Variants in GRAMD2B observed in about 807,000 individuals in gnomAD.
The protein encoded by GRAMD2B is GRAM domain containing 2B, also known as GRAM domain-containing protein 2B.
GRAMD2B carries 41 observed loss-of-function variants against 59.2 expected under a neutral mutation model. The ratio of observed to expected loss-of-function variants is 0.69; its 90% CI spans 0.54 to 0.90. GRAMD2B has a LOEUF of 0.90. Ranked by LOEUF, GRAMD2B falls within the 40% of genes least tolerant of loss-of-function variation. The probability of loss-of-function intolerance (pLI) is 0.00; values close to 1 mark genes in which losing one functional copy is unlikely to be tolerated. For synonymous variants in GRAMD2B, 161 were observed against 182.7 expected, an observed-to-expected ratio of 0.88 and a Z score of 0.96; for missense variants, 424 against 500.5, an observed-to-expected ratio of 0.85 and a Z score of 1.46.
intron 1 of GRAMD2B, among the ~76,000 whole-genome samples, chr5:126,427,912 G>A (rs1246724129): frequency 6.6e-6 from 1 of 152,126 alleles, no homozygotes; most frequent in Non-Finnish European, 1.5e-5. Flanking sequence ...GTATGTGTGT[G>A]CATATAATTT....
chr5:126,460,272 C>T (rs912264227), intron 1 of GRAMD2B, among the ~76,000 whole-genome samples: 18 of 152,218 alleles, frequency 1.2e-4, no homozygotes, highest in Admixed American at 8.5e-4. Context: ...TGGAGAGAAA[C>T]TGGGTCACCA....
intron 2 of GRAMD2B, among the ~76,000 whole-genome samples, chr5:126,468,418 C>G (rs1196389277): frequency 1.3e-5 from 2 of 152,174 alleles, no homozygotes; most frequent in Non-Finnish European, 2.9e-5. Context: ...TCTTGCTTAT[C>G]CTGTTAGGCC....
chr5:126,484,879 C>T (rs559221615), intron 10 of GRAMD2B, among the ~76,000 whole-genome samples: 6 of 152,138 alleles, frequency 3.9e-5, no homozygotes, highest in African/African-American at 4.8e-5. Context: ...CCACCATGCC[C>T]GGCCTATTTG....
At chr5:126,410,722 G>C (rs2075813161) in intron 1 of GRAMD2B, among the ~76,000 whole-genome samples, 1 of 151,916 alleles carries the variant, frequency 6.6e-6, no homozygotes, top group Non-Finnish European at 1.5e-5. Context: ...TATAACAACT[G>C]TTGTTTTTAT....
intron 1 of GRAMD2B, chr5:126,462,490 T>C: frequency 5.1e-6 from 5 of 975,710 alleles, no homozygotes; most frequent in Non-Finnish European, 6.1e-6. Context: ...GGAATTAACT[T>C]GCTTGAGCCT....
chr5:126,390,952 C>T (rs1339540518), intron 1 of GRAMD2B, among the ~76,000 whole-genome samples: 1 of 152,132 alleles, frequency 6.6e-6, no homozygotes, highest in African/African-American at 2.4e-5. Flanking sequence ...AAATTCCATA[C>T]TCTAGCCACT....
At chr5:126,478,844 G>A (rs918583558) in intron 6 of GRAMD2B, among the ~76,000 whole-genome samples, 2 of 152,146 alleles carry the variant, frequency 1.3e-5, no homozygotes, top group African/African-American at 4.8e-5. Context: ...CTGGTGTGGG[G>A]GTGGCCAGCC....
intron 1 of GRAMD2B, among the ~76,000 whole-genome samples, chr5:126,424,839 G>T (rs989954303): frequency 3.3e-5 from 5 of 152,206 alleles, no homozygotes; most frequent in Non-Finnish European, 5.9e-5. Flanking sequence ...CCATGTTGCA[G>T]ATAAAAGCAC....
intron 1 of GRAMD2B, among the ~76,000 whole-genome samples, chr5:126,387,379 T>C (rs1332255979): frequency 6.6e-6 from 1 of 151,906 alleles, no homozygotes; most frequent in Non-Finnish European, 1.5e-5. Context: ...GCTAAACAAA[T>C]GTTCTGTACT....
Position 126,485,758 on chromosome 5 carries a change from T to C in GRAMD2B, c.1043T>C (p.Ile348Thr), listed in dbSNP as rs2126947511. 2 of 1,602,022 alleles carry C rather than the reference T, an allele frequency of 1.2e-6. No individual in the cohort carries two copies. The highest frequency in any genetic ancestry group is 1.7e-6 in the Non-Finnish European group (2 of 1,170,896). Residue 348 changes from isoleucine to threonine, a missense_variant, in exon 11 of 14, where the codon ATA (isoleucine) becomes ACA (threonine). Physicochemically the swap from Ile to Thr is moderately conservative, Grantham distance 89. Coordinates refer to ENST00000285689, the MANE Select transcript of GRAMD2B (RefSeq NM_023927.4). ...QKCPMLHHILIFYAIVVCALI... is the reference protein window; with the variant it reads ...QKCPMLHHILTFYAIVVCALI... The stretch of plus-strand genomic sequence containing the variant: ...TGTCCGATGCTTCACCATATTCTTA[T>C]ATTCTATGCAATTGTGTAAGTACAT...
At chr5:126,463,203 C>T (rs1767682067) in intron 1 of GRAMD2B, among the ~76,000 whole-genome samples, 2 of 152,178 alleles carry the variant, frequency 1.3e-5, no homozygotes, top group African/African-American at 4.8e-5. Context: ...GCTCTCTGTA[C>T]ACAAAGATGC....
At position 126,410,342 on chromosome 5, in the gene GRAMD2B, C is replaced by G. The variant is rs62391846; in HGVS notation, c.125+38775C>G. On this transcript the variant is annotated intron_variant, in intron 1 of 8. Transcript: ENST00000506445. Reference sequence around the variant, plus strand: ...ATGAGCATGGAATGTTCTTCCATTTCTTTGTATCCTCTTTTATTTCATTGA... The same window carrying G: ...ATGAGCATGGAATGTTCTTCCATTTGTTTGTATCCTCTTTTATTTCATTGA... Among the ~76,000 whole-genome samples the G allele has an allele frequency of 1.5e-4, 22 of 151,330 alleles. No homozygotes were observed. In the South Asian group the frequency reaches 2.9e-3, roughly 20 times the overall value.
chr5:126,493,898 G>A lies in GRAMD2B; in HGVS notation c.*942G>A, dbSNP rs1438939763. 6.6e-6 allele frequency: 1 copy of A among 152,570 alleles called. No individual in the cohort carries two copies. The highest frequency in any genetic ancestry group is 1.9e-4 in the East Asian group (1 of 5,196). The allele number at this position is 152,570 out of a possible 1,614,324, so 9.5% of individuals were successfully genotyped here. A position where few individuals can be genotyped will look rare whatever the true frequency, so the allele number is the denominator to read the frequency against. On this transcript the variant is annotated 3_prime_UTR_variant, in exon 14 of 14. Coordinates refer to ENST00000285689, the MANE Select transcript of GRAMD2B (RefSeq NM_023927.4). ...TTTGCTGACTAAAATAAAATAACTG[G>A]TGGTTTGCTAACTATTTACCATATG... is the stretch of plus-strand genomic sequence containing the variant.
intron 4 of GRAMD2B, among the ~76,000 whole-genome samples, chr5:126,472,655 C>T (rs959024492): frequency 1.4e-5 from 2 of 143,842 alleles, no homozygotes; most frequent in Non-Finnish European, 3.2e-5. Context: ...TAAAAGAAAA[C>T]TCACATCCTT....
chr5:126,402,909 A>G (rs1757960924), intron 1 of GRAMD2B, among the ~76,000 whole-genome samples: 1 of 152,042 alleles, frequency 6.6e-6, no homozygotes, highest in Non-Finnish European at 1.5e-5. Context: ...TTGTTCTAGA[A>G]TATTCCTTCT....
intron 1 of GRAMD2B, among the ~76,000 whole-genome samples, chr5:126,447,391 A>G (rs572711347): frequency 7.0e-4 from 107 of 152,282 alleles, no homozygotes; most frequent in East Asian, 1.4e-3. Flanking sequence ...GGCCGGGCGC[A>G]GTGGCTCACG....
intron 5 of GRAMD2B, among the ~76,000 whole-genome samples, chr5:126,473,579 T>A (rs1770023933): frequency 6.6e-6 from 1 of 152,128 alleles, no homozygotes; most frequent in Non-Finnish European, 1.5e-5. Context: ...ATTTTCTCAC[T>A]CATTTGTTTA....
rs576102852 is a variant in GRAMD2B, at chr5:126,393,713, T to C, written c.125+22146T>C. Among the ~76,000 whole-genome samples, 161 of 152,258 alleles carry C rather than the reference T, an allele frequency of 1.1e-3. 1 individual carries two copies. Among genetic ancestry groups the C allele is most frequent in the African/African-American group, 3.4e-3 (143 of 41,540 alleles). ...CAATTATCTCCCACTTCAATTGCCT[T>C]CCACTGAGGCAGGGTTTTACTAAGA... On this transcript the variant is annotated intron_variant, in intron 1 of 8. Coordinates refer to the GRAMD2B transcript ENST00000506445.
At chr5:126,373,995 G>C (rs762704203) in intron 1 of GRAMD2B, among the ~76,000 whole-genome samples, 18 of 152,188 alleles carry the variant, frequency 1.2e-4, no homozygotes, top group Non-Finnish European at 2.1e-4. Context: ...CTTTAAAAGA[G>C]CACTCTGGCC....
Sources: gnomAD v4.1 joint callset for allele counts (sites outside exome capture counted in the v4.1 genomes callset) on GRCh38, gnomAD v4.1.1 for gene constraint, MANE v1.5 for transcripts, NCBI Gene and HGNC (gene_info 2026-07-23, HGNC 2026-07-21) for gene names.